TLL2: variants seen among roughly 807,000 people sequenced by gnomAD.
TLL2 encodes the protein tolloid-like protein 2.
TLL2 carries 106 observed loss-of-function variants against 123.0 expected under a neutral mutation model. The ratio of observed to expected loss-of-function variants is 0.86; its 90% CI spans 0.74 to 1.01. TLL2 has a LOEUF of 1.01. Ranked by LOEUF, TLL2 falls within the 50% of genes least tolerant of loss-of-function variation. The probability of loss-of-function intolerance (pLI) is 0.00; values close to 1 mark genes in which losing one functional copy is unlikely to be tolerated. For synonymous variants in TLL2, 494 were observed against 516.8 expected, an observed-to-expected ratio of 0.96 and a Z score of 0.60; for missense variants, 1,332 against 1,336.7, an observed-to-expected ratio of 1.00 and a Z score of 0.06.
At chr10:96,420,895 C>T in intron 7 of TLL2, 61 bp downstream of exon 7, 2 of 1,513,478 alleles carry the variant, frequency 1.3e-6, no homozygotes, top group South Asian at 2.3e-5. Context: ...CTCCAGGAAT[C>T]CAACCCAAGC....
At chr10:96,400,228 C>T (rs1018595504) in intron 10 of TLL2, among the ~76,000 whole-genome samples, 1 of 152,110 alleles carries the variant, frequency 6.6e-6, no homozygotes, top group East Asian at 1.9e-4. Flanking sequence ...AATCCCACTT[C>T]ACAGACGAGA....
intron 1 of TLL2, among the ~76,000 whole-genome samples, chr10:96,497,150 C>T (rs1216687722): frequency 3.3e-5 from 5 of 151,806 alleles, no homozygotes; most frequent in Admixed American, 6.6e-5. Context: ...ATTAGCCCAG[C>T]GTTGTGGTGC....
In TLL2 at chr10:96,378,986, A is replaced by C; in HGVS notation, c.2301T>G (p.Asn767Lys). 1 of 1,614,144 alleles carries C rather than the reference A, an allele frequency of 6.2e-7. No individual in the cohort carries two copies. The change falls in exon 17 of 21, where the codon AAT becomes AAG. Residue 767 changes from asparagine to lysine, a missense_variant. Physicochemically the swap from Asn to Lys is moderately conservative, Grantham distance 94 (BLOSUM62 0). Transcript: ENST00000357947. ...RCRNGYWLHE[N>K]GHDCKEAGCA... ...CCTCACCCTCTTTGCAGTCATGCCC[A>C]TTCTCGTGGAGCCAGTAGCCGTTTC... is the stretch of plus-strand genomic sequence containing the variant.
At chr10:96,392,579 C>G (rs948272237) in intron 13 of TLL2, among the ~76,000 whole-genome samples, 1 of 151,986 alleles carries the variant, frequency 6.6e-6, no homozygotes, top group Non-Finnish European at 1.5e-5. Context: ...TACCAGTTAT[C>G]CCCCTGGAAT....
chr10:96,387,164 C>A (rs1846244378), intron 13 of TLL2, 86 bp from the exon 14 acceptor site: 2 of 1,556,676 alleles, frequency 1.3e-6, no homozygotes, highest in Non-Finnish European at 1.7e-6. Context: ...GTGTCACCAG[C>A]AAGTGTCCTC....
At chr10:96,475,272 T>A (rs929264425) in intron 2 of TLL2, among the ~76,000 whole-genome samples, 7 of 152,216 alleles carry the variant, frequency 4.6e-5, no homozygotes, top group Non-Finnish European at 2.9e-5. Context: ...ATCCTAAAGC[T>A]GTCAGTGGCT....
chr10:96,501,414 G>A (rs1403077057), intron 1 of TLL2, among the ~76,000 whole-genome samples: 1 of 152,052 alleles, frequency 6.6e-6, no homozygotes, highest in Non-Finnish European at 1.5e-5. Flanking sequence ...GCATCCTCAT[G>A]CTCCAGGACT....
intron 2 of TLL2, among the ~76,000 whole-genome samples, chr10:96,460,785 T>C (rs771489906): frequency 9.9e-5 from 15 of 152,160 alleles, no homozygotes; most frequent in Non-Finnish European, 1.9e-4. Context: ...TAGTTCCTTA[T>C]AGCAATGTGA....
At chr10:96,491,569 T>C (rs772707541) in intron 1 of TLL2, among the ~76,000 whole-genome samples, 6 of 152,110 alleles carry the variant, frequency 3.9e-5, no homozygotes, top group Non-Finnish European at 2.9e-5. Context: ...TGAAGTGCAA[T>C]AGGAAAAATG....
At chr10:96,450,133 G>GGAT (rs1316111679) in intron 2 of TLL2, among the ~76,000 whole-genome samples, 1 of 152,016 alleles carries the variant, frequency 6.6e-6, no homozygotes, top group Non-Finnish European at 1.5e-5. Context: ...AGGGATGGAT[G>GGAT]GATGGGTAGG....
chr10:96,489,598 A>G (rs1378571184), intron 1 of TLL2, among the ~76,000 whole-genome samples: 2 of 152,194 alleles, frequency 1.3e-5, no homozygotes, highest in African/African-American at 4.8e-5. Flanking sequence ...CGCTAACCAC[A>G]TGTGGTTATT....
intron 1 of TLL2, among the ~76,000 whole-genome samples, chr10:96,493,292 G>A (rs1379273556): frequency 6.6e-6 from 1 of 152,218 alleles, no homozygotes; most frequent in Admixed American, 6.5e-5. Flanking sequence ...TGGAGAGGAG[G>A]AATGACTAAC....
chr10:96,513,912 G>A lies in TLL2; in HGVS notation c.-227C>T, dbSNP rs924624383. 16 of 510,358 alleles carry A rather than the reference G, an allele frequency of 3.1e-5. 1 individual carries two copies. Among genetic ancestry groups the A allele is most frequent in the Middle Eastern group, 5.0e-4 (1 of 2,014 alleles). 31.6% of individuals were successfully genotyped at this position (510,358 alleles called of 1,614,324 possible). ...CTACTTGCCCGGCGGCCGAGGCTGC[G>A]GCGGCTGCGAGTGTGGCGGTGGCGG... is the stretch of plus-strand genomic sequence containing the variant. On this transcript the variant is annotated 5_prime_UTR_variant, in exon 1 of 21. Coordinates refer to ENST00000357947, the MANE Select transcript of TLL2 (RefSeq NM_012465.4).
At chr10:96,415,696 C>T (rs139234413) in intron 7 of TLL2, among the ~76,000 whole-genome samples, 420 of 39,566 alleles carry the variant, frequency 0.011, 8 homozygotes, top group African/African-American at 0.038. Context: ...ACATATGTCA[C>T]CTAGCTATTA....
At chr10:96,419,612 T>C (rs1190559467) in intron 7 of TLL2, among the ~76,000 whole-genome samples, 2 of 152,162 alleles carry the variant, frequency 1.3e-5, no homozygotes, top group Non-Finnish European at 1.5e-5. Flanking sequence ...ACTCCACCCA[T>C]GATAGCTCAT....
At chr10:96,439,452 T>C (rs1305972526) in intron 3 of TLL2, among the ~76,000 whole-genome samples, 1 of 152,102 alleles carries the variant, frequency 6.6e-6, no homozygotes, top group African/African-American at 2.4e-5. Flanking sequence ...CTCTGCCTTA[T>C]GCCCCTTGGC....
intron 5 of TLL2, among the ~76,000 whole-genome samples, chr10:96,424,502 C>T (rs1354762738): frequency 6.6e-6 from 1 of 152,130 alleles, no homozygotes; most frequent in Non-Finnish European, 1.5e-5. Context: ...TCCTGGCCAA[C>T]ACTGGTTTTA....
At chr10:96,482,032 C>T (rs1247990583) in intron 1 of TLL2, among the ~76,000 whole-genome samples, 2 of 152,018 alleles carry the variant, frequency 1.3e-5, no homozygotes, top group Non-Finnish European at 2.9e-5. Context: ...CTGAGGCAGG[C>T]GGATCACGAG....
chr10:96,371,470 T>C (rs913852247), intron 19 of TLL2, among the ~76,000 whole-genome samples: 7 of 152,248 alleles, frequency 4.6e-5, no homozygotes, highest in South Asian at 2.1e-4. Context: ...AACGCTGTTG[T>C]AGATTCTGGG....
Sources: allele counts gnomAD v4.1 joint callset (sites outside exome capture counted in the v4.1 genomes callset), GRCh38; gene constraint gnomAD v4.1.1; transcripts MANE v1.5; gene names NCBI Gene and HGNC (gene_info 2026-07-23, HGNC 2026-07-21).